The following PRR33 variants were observed in gnomAD, a reference collection of about 807,000 sequenced individuals.
PRR33 encodes proline rich 33.
PRR33 carries 1 observed loss-of-function variant against 0.5 expected under a neutral mutation model. The observed-to-expected ratio is 2.18, with a 90% CI of 0.77 to 10.34. The LOEUF (loss-of-function observed/expected upper bound fraction) is 10.34, where lower values mean the gene tolerates loss of function less well. PRR33 is among the 30% of genes most tolerant of loss of function. The pLI is 0.13. For missense variants in PRR33, 552 were observed against 251.8 expected, an observed-to-expected ratio of 2.19 and a Z score of -8.07; for synonymous variants, 226 against 110.0, an observed-to-expected ratio of 2.06 and a Z score of -6.60.
At chr11:1,913,933 G>A in the PRR33 span, among the ~76,000 whole-genome samples, 4 of 152,230 alleles carry the variant, frequency 2.6e-5, no homozygotes, top group East Asian at 1.9e-4. Flanking sequence ...CGTGGGGGAC[G>A]GAGCCCCTGT....
chr11:1,895,701 A>G (rs1849116261), upstream of PRR33, among the ~76,000 whole-genome samples: 1 of 152,118 alleles, frequency 6.6e-6, no homozygotes, highest in Non-Finnish European at 1.5e-5. Flanking sequence ...TTTTGAGTTA[A>G]TGTTTGTGTA....
chr11:1,894,997 C>T (rs1449512493), upstream of PRR33, among the ~76,000 whole-genome samples: 1 of 152,220 alleles, frequency 6.6e-6, no homozygotes, highest in Non-Finnish European at 1.5e-5. Flanking sequence ...CTCCCGGCAC[C>T]AGGGGTGCCG....
At chr11:1,915,033 GGAT>G in the PRR33 span, among the ~76,000 whole-genome samples, 2 of 143,982 alleles carry the variant, frequency 1.4e-5, no homozygotes, top group Admixed American at 6.9e-5. Flanking sequence ...GGGGACACAC[GGAT>G]GATGTTTGTG....
chr11:1,910,337 C>T, the PRR33 span, among the ~76,000 whole-genome samples: 1 of 152,134 alleles, frequency 6.6e-6, no homozygotes, highest in African/African-American at 2.4e-5. Flanking sequence ...GCAAGTTCTG[C>T]CTCCCGGGTT....
chr11:1,913,320 T>G, the PRR33 span, among the ~76,000 whole-genome samples: 5 of 151,720 alleles, frequency 3.3e-5, no homozygotes, highest in African/African-American at 4.8e-5. Context: ...TTTTTGTTTT[T>G]TTTTTAGTAG....
the PRR33 span, among the ~76,000 whole-genome samples, chr11:1,916,614 C>A: frequency 6.6e-6 from 1 of 152,256 alleles, no homozygotes; most frequent in Admixed American, 6.5e-5. Context: ...TGGACAGCAC[C>A]AGGGGCAGGG....
upstream of PRR33, among the ~76,000 whole-genome samples, chr11:1,895,376 G>T (rs147335063): frequency 1.3e-5 from 2 of 151,964 alleles, no homozygotes; most frequent in African/African-American, 4.8e-5. Context: ...CAAGTGATCC[G>T]CCTGCCTTAG....
the PRR33 span, among the ~76,000 whole-genome samples, chr11:1,914,936 TGA>T: frequency 7.0e-6 from 1 of 142,230 alleles, no homozygotes; most frequent in Non-Finnish European, 1.5e-5. Context: ...GTGTGTGTTG[TGA>T]GGTCACACAC....
chr11:1,894,523 C>T (rs1849103130), upstream of PRR33, among the ~76,000 whole-genome samples: 1 of 152,156 alleles, frequency 6.6e-6, no homozygotes, highest in Admixed American at 6.5e-5. Context: ...AGGCATGAGC[C>T]CTGCACCCAA....
the PRR33 span, among the ~76,000 whole-genome samples, chr11:1,903,708 C>T: frequency 3.3e-5 from 5 of 152,144 alleles, no homozygotes; most frequent in African/African-American, 1.2e-4. Flanking sequence ...AGAAGGTGCT[C>T]GGTTTTTCAG....
chr11:1,892,472 G>A (rs374068627), upstream of PRR33, among the ~76,000 whole-genome samples: 14 of 152,326 alleles, frequency 9.2e-5, no homozygotes, highest in Admixed American at 4.6e-4. Context: ...GGTGGGGTCC[G>A]GGCTTCCTTT....
chr11:1,896,987 C>G, the PRR33 span, among the ~76,000 whole-genome samples: 1 of 152,224 alleles, frequency 6.6e-6, no homozygotes, highest in Non-Finnish European at 1.5e-5. Flanking sequence ...CAGAGAGGCT[C>G]TGGTGCTGCC....
the PRR33 span, among the ~76,000 whole-genome samples, chr11:1,905,546 C>T: frequency 6.6e-6 from 1 of 151,252 alleles, no homozygotes; most frequent in Non-Finnish European, 1.5e-5. Flanking sequence ...TCAAACGATC[C>T]TCGTGCCTCA....
chr11:1,905,693 A>G, the PRR33 span, among the ~76,000 whole-genome samples: 2 of 151,228 alleles, frequency 1.3e-5, no homozygotes, highest in Non-Finnish European at 3.0e-5. Context: ...GGCTCAAGCA[A>G]TCCTACCACC....
upstream of PRR33, among the ~76,000 whole-genome samples, chr11:1,893,140 G>A (rs1219891781): frequency 4.9e-5 from 6 of 123,472 alleles, 2 homozygotes; most frequent in Non-Finnish European, 9.2e-5. Flanking sequence ...ATGGATAGAC[G>A]GACATATGGA....
At chr11:1,908,200 G>A in the PRR33 span, among the ~76,000 whole-genome samples, 1 of 152,172 alleles carries the variant, frequency 6.6e-6, no homozygotes, top group Non-Finnish European at 1.5e-5. Context: ...ATATGAATCT[G>A]CTACATCACC....
the PRR33 span, chr11:1,902,973 G>C: frequency 6.6e-6 from 1 of 152,154 alleles, no homozygotes; most frequent in Non-Finnish European, 1.5e-5. Flanking sequence ...GTGTAGCAGT[G>C]AGGACGACCA....
At chr11:1,917,298 T>C in the PRR33 span, among the ~76,000 whole-genome samples, 1 of 152,100 alleles carries the variant, frequency 6.6e-6, no homozygotes, top group East Asian at 1.9e-4. Flanking sequence ...GGGACCTAGA[T>C]TGAGGGGCCC....
exon 1 of PRR33, chr11:1,889,240 C>A: frequency 1.5e-6 from 1 of 671,876 alleles, no homozygotes; most frequent in Non-Finnish European, 2.8e-6. Flanking sequence ...GGCCGGGTGG[C>A]CTCCTGCAGC....
Sources: allele counts gnomAD v4.1 joint callset (sites outside exome capture counted in the v4.1 genomes callset), GRCh38; gene constraint gnomAD v4.1.1; transcripts MANE v1.5; gene names NCBI Gene and HGNC (gene_info 2026-07-23, HGNC 2026-07-21).